Variants in CCDC149 observed in about 807,000 individuals in gnomAD.
CCDC149 encodes coiled-coil domain-containing protein 149.
Under a neutral mutation model 59.9 loss-of-function variants are expected in CCDC149, and 45 were observed. The ratio of observed to expected loss-of-function variants is 0.75; its 90% CI spans 0.59 to 0.96. CCDC149 has a LOEUF of 0.96. CCDC149 is among the 40% of genes least tolerant of loss of function. The pLI, the probability that CCDC149 is intolerant of heterozygous loss-of-function variation, is 0.00. For synonymous variants in CCDC149, 245 were observed against 260.6 expected (o/e 0.94, Z 0.58); for missense variants, 584 against 664.7 (o/e 0.88, Z 1.33).
chr4:24,866,845 G>A (rs73250606), intron 3 of CCDC149, among the ~76,000 whole-genome samples: 11,558 of 121,884 alleles, frequency 0.095, 469 homozygotes, highest in Middle Eastern at 0.12. Context: ...ACACACACAC[G>A]TGCATATATA....
chr4:24,936,434 T>C (rs974033348), intron 1 of CCDC149, among the ~76,000 whole-genome samples: 4 of 152,190 alleles, frequency 2.6e-5, no homozygotes, highest in Non-Finnish European at 4.4e-5. Context: ...AAATGTGTAA[T>C]TGACATAATT....
chr4:24,952,382 G>A (rs777769007), intron 1 of CCDC149, among the ~76,000 whole-genome samples: 13 of 151,226 alleles, frequency 8.6e-5, no homozygotes, highest in Admixed American at 1.3e-4. Context: ...ACTTGAGGTC[G>A]GGAGTTCAAG....
At chr4:24,885,574 G>A (rs1720117997) in intron 1 of CCDC149, among the ~76,000 whole-genome samples, 1 of 152,228 alleles carries the variant, frequency 6.6e-6, no homozygotes, top group African/African-American at 2.4e-5. Flanking sequence ...AATCACATCA[G>A]TGGGCGAGTG....
intron 4 of CCDC149, among the ~76,000 whole-genome samples, chr4:24,852,231 C>A (rs147024979): frequency 3.3e-5 from 5 of 150,964 alleles, no homozygotes; most frequent in East Asian, 3.9e-4. Context: ...ATTTGTCAAG[C>A]AATTTGGTAA....
chr4:24,916,326 T>C (rs1440866898), upstream of CCDC149, among the ~76,000 whole-genome samples: 1 of 152,146 alleles, frequency 6.6e-6, no homozygotes, highest in African/African-American at 2.4e-5. Context: ...GTTTTAGACA[T>C]GGAAACTCCA....
At chr4:24,923,504 G>T (rs1306493348) in intron 1 of CCDC149, among the ~76,000 whole-genome samples, 1 of 152,186 alleles carries the variant, frequency 6.6e-6, no homozygotes, top group Admixed American at 6.5e-5. Flanking sequence ...TTTTCTTTGA[G>T]AGATCTAATA....
intron 1 of CCDC149, among the ~76,000 whole-genome samples, chr4:24,949,746 G>T (rs1397958831): frequency 1.3e-5 from 2 of 152,294 alleles, no homozygotes; most frequent in African/African-American, 4.8e-5. Context: ...CAACCTGAGA[G>T]AAAACAGCAA....
chr4:24,917,717 G>C (rs1643642092), upstream of CCDC149, among the ~76,000 whole-genome samples: 1 of 152,138 alleles, frequency 6.6e-6, no homozygotes, highest in Non-Finnish European at 1.5e-5. Flanking sequence ...TCGAGATGCA[G>C]CCCACGGAAG....
chr4:24,828,479 T>TA (rs1017564646), intron 9 of CCDC149: 3 of 151,994 alleles, frequency 2.0e-5, no homozygotes, highest in African/African-American at 4.8e-5. Flanking sequence ...AAATTAATAT[T>TA]AAATTAAAAC....
chr4:24,891,290 A>T (rs191134694), intron 1 of CCDC149, among the ~76,000 whole-genome samples: 188 of 152,298 alleles, frequency 1.2e-3, no homozygotes, highest in Middle Eastern at 0.01. Context: ...CAGAGGACAA[A>T]CTAAATTGTA....
intron 2 of CCDC149, 144 bp from the exon 3 acceptor site, chr4:24,873,863 A>C: frequency 1.6e-6 from 1 of 610,170 alleles, no homozygotes. Flanking sequence ...AAGCAAGCTC[A>C]AATATACTTT....
chr4:24,831,442 CT>C, intron 9 of CCDC149, 63 bp downstream of exon 9: 2 of 1,569,302 alleles, frequency 1.3e-6, no homozygotes, highest in Non-Finnish European at 1.7e-6. Context: ...TTGACATTCA[CT>C]TCTGGTAGCC....
chr4:24,850,498 C>T (rs1320756530), intron 4 of CCDC149, among the ~76,000 whole-genome samples: 3 of 152,120 alleles, frequency 2.0e-5, no homozygotes, highest in Non-Finnish European at 4.4e-5. Flanking sequence ...GAGCAAACAG[C>T]AGGCACAAAG....
chr4:24,851,443 C>A (rs549799016), intron 4 of CCDC149, among the ~76,000 whole-genome samples: 1 of 152,228 alleles, frequency 6.6e-6, no homozygotes, highest in Non-Finnish European at 1.5e-5. Flanking sequence ...CTCTTTGTTT[C>A]CATGAACTGT....
At chr4:24,925,081 T>C (rs1560258273) in intron 1 of CCDC149, among the ~76,000 whole-genome samples, 1 of 152,236 alleles carries the variant, frequency 6.6e-6, no homozygotes, top group Non-Finnish European at 1.5e-5. Flanking sequence ...TTTGGGTCAA[T>C]CTTCCTCTTG....
intron 1 of CCDC149, among the ~76,000 whole-genome samples, chr4:24,960,711 C>T (rs1329483628): frequency 1.3e-5 from 2 of 152,056 alleles, no homozygotes; most frequent in East Asian, 3.9e-4. Context: ...ATATAAAAAT[C>T]CTAAATGTTT....
intron 4 of CCDC149, among the ~76,000 whole-genome samples, chr4:24,843,033 A>C (rs1717039373): frequency 6.6e-6 from 1 of 152,058 alleles, no homozygotes; most frequent in East Asian, 1.9e-4. Flanking sequence ...AATGGATAAA[A>C]TCTATCTTGC....
chr4:24,893,613 C>CTTTTTTTTTGTTTTTTTTTTTTTTTT (rs1720657592), intron 1 of CCDC149, among the ~76,000 whole-genome samples: 1 of 65,876 alleles, frequency 1.5e-5, no homozygotes, highest in Non-Finnish European at 2.6e-5. Flanking sequence ...AAAATACAGA[C>CTTTTTTTTTGTTTTTTTTTTTTTTTT]TTTTTTTTTT....
intron 1 of CCDC149, among the ~76,000 whole-genome samples, chr4:24,952,850 C>T (rs1293250066): frequency 1.3e-5 from 2 of 151,774 alleles, no homozygotes; most frequent in African/African-American, 4.8e-5. Context: ...TCTTCCCCAT[C>T]CCCTGGCAAC....
Sources: allele counts gnomAD v4.1 joint callset (sites outside exome capture counted in the v4.1 genomes callset), GRCh38; gene constraint gnomAD v4.1.1; transcripts MANE v1.5; gene names NCBI Gene and HGNC (gene_info 2026-07-23, HGNC 2026-07-21).